The following ACOT11 variants were observed in gnomAD, a reference collection of about 807,000 sequenced individuals.
The protein encoded by ACOT11 is acyl-CoA thioesterase 11.
Under a neutral mutation model 77.5 loss-of-function variants are expected in ACOT11, and 69 were observed. The observed-to-expected ratio is 0.89, with a 90% CI of 0.73 to 1.09. ACOT11 has a LOEUF of 1.09. Ranked by LOEUF, ACOT11 falls within the 50% of genes least tolerant of loss-of-function variation. The probability of loss-of-function intolerance (pLI) is 0.00; values close to 1 mark genes in which losing one functional copy is unlikely to be tolerated. For missense variants in ACOT11, 766 were observed against 813.7 expected (o/e 0.94, Z 0.71); for synonymous variants, 279 against 313.0 (o/e 0.89, Z 1.15).
intron 15 of ACOT11, among the ~76,000 whole-genome samples, chr1:54,625,323 C>T (rs1644265432): frequency 6.6e-6 from 1 of 152,146 alleles, no homozygotes; most frequent in African/African-American, 2.4e-5. Flanking sequence ...TGGAATGGAG[C>T]AGGGTCAGTG....
At chr1:54,572,005 G>A (rs1397344277) in intron 1 of ACOT11, among the ~76,000 whole-genome samples, 1 of 152,090 alleles carries the variant, frequency 6.6e-6, no homozygotes, top group Non-Finnish European at 1.5e-5. Context: ...GGGGCAGGAA[G>A]TCCTGGCTGC....
chr1:54,568,219 C>T (rs1024947995), intron 1 of ACOT11, among the ~76,000 whole-genome samples: 5 of 152,168 alleles, frequency 3.3e-5, no homozygotes, highest in East Asian at 1.9e-4. Flanking sequence ...CCTAAAGAAG[C>T]TCCTCCCTGT....
In ACOT11 at chr1:54,609,420, T is replaced by A. The variant is rs1237526759; in HGVS notation, c.*308T>A. ...GCTGGGTTGTGCTCCACTGTGACGG[T>A]GGCCCGGGGGGAGGATGCCAGCAGC... On this transcript the variant is annotated 3_prime_UTR_variant, in exon 16 of 16. Transcript: ENST00000343744. 5.6e-6 allele frequency: 9 copies of A among 1,613,812 alleles called. No homozygotes were observed. The highest frequency in any genetic ancestry group is 7.6e-6 in the Non-Finnish European group (9 of 1,180,022).
intron 1 of ACOT11, among the ~76,000 whole-genome samples, chr1:54,568,643 C>T (rs1034679529): frequency 3.3e-5 from 5 of 152,066 alleles, no homozygotes; most frequent in African/African-American, 1.2e-4. Flanking sequence ...GGATTACAGG[C>T]GTGAGCCACC....
At chr1:54,559,615 T>A (rs1326145177) in intron 1 of ACOT11, among the ~76,000 whole-genome samples, 2 of 151,950 alleles carry the variant, frequency 1.3e-5, no homozygotes, top group Non-Finnish European at 2.9e-5. Flanking sequence ...TTCCATCTCA[T>A]GTGAACCTCA....
Position 54,593,971 on chromosome 1 carries a change from T to C in ACOT11, c.403T>C (p.Cys135Arg), listed in dbSNP as rs1226183125. Residue 135 changes from cysteine to arginine, a missense_variant, in exon 5 of 16, where the codon TGC (cysteine) becomes CGC (arginine). Physicochemically the swap from Cys to Arg is radical, Grantham distance 180. Transcript: ENST00000343744. Reference protein sequence around the residue: ...VGIQVASEDLCSEKQWNVCKA... With the variant: ...VGIQVASEDLRSEKQWNVCKA... The stretch of plus-strand genomic sequence containing the variant: ...CATCCAGGTGGCCTCGGAGGACCTG[T>C]GCTCTGAGAAGCAGTGGAATGTGTG... 1 of 1,614,198 alleles carries C rather than the reference T, an allele frequency of 6.2e-7. No individual in the cohort carries two copies.
In ACOT11 at chr1:54,609,049, GGCTTGTGA is replaced by G; in HGVS notation, c.1725_1732del (p.Cys576ValfsTer8). 6.2e-7 allele frequency: 1 copy of G among 1,614,136 alleles called. No individual in the cohort carries two copies. The highest frequency in any genetic ancestry group is 8.5e-7 in the Non-Finnish European group (1 of 1,180,008). ...CCTCTGAGTTCTACACCACCTTCAA[GGCTTGTGA>G]GCAGTTTCTCTTGGACAACCGGAAT... On this transcript the variant is annotated frameshift_variant, in exon 16 of 16. Transcript: ENST00000343744. LOFTEE classifies it high-confidence loss of function.
Position 54,609,920 on chromosome 1 carries a change from A to G in ACOT11, c.*808A>G, listed in dbSNP as rs199644373. 1 of 1,607,592 alleles carries G rather than the reference A, an allele frequency of 6.2e-7. No individual in the cohort carries two copies. The highest frequency in any genetic ancestry group is 1.1e-5 in the South Asian group (1 of 91,062). On this transcript the variant is annotated 3_prime_UTR_variant, in exon 16 of 16. Coordinates refer to ENST00000343744, the MANE Select transcript of ACOT11 (RefSeq NM_147161.4). ...CACAGTTCCCTCGAGGCCAGTGTTC[A>G]GCAGGATCATGCCTTCTGTGTCTGG...
In ACOT11 at chr1:54,609,896, A is replaced by G. The variant is rs763437918; in HGVS notation, c.*784A>G. 2.2e-5 allele frequency: 35 copies of G among 1,611,870 alleles called. No homozygotes were observed. Among genetic ancestry groups the G allele is most frequent in the Non-Finnish European group, 2.8e-5 (33 of 1,179,936 alleles). ...AACAATGGGCACGGGGTTTTCAGCCACAGTTCCCTCGAGGCCAGTGTTCAG... is the reference window on the plus strand; with the variant it reads ...AACAATGGGCACGGGGTTTTCAGCCGCAGTTCCCTCGAGGCCAGTGTTCAG... On this transcript the variant is annotated 3_prime_UTR_variant, in exon 16 of 16. Coordinates refer to ENST00000343744, the MANE Select transcript of ACOT11 (RefSeq NM_147161.4).
chr1:54,551,566 G>A (rs1653067797), intron 1 of ACOT11, among the ~76,000 whole-genome samples: 1 of 152,096 alleles, frequency 6.6e-6, no homozygotes, highest in South Asian at 2.1e-4. Context: ...GGGACCCACT[G>A]GTGCCCTCGT....
chr1:54,609,129 C>T lies in ACOT11; in HGVS notation c.*17C>T. On this transcript the variant is annotated 3_prime_UTR_variant, in exon 16 of 16. Coordinates refer to ENST00000343744, the MANE Select transcript of ACOT11 (RefSeq NM_147161.4). ...ACCCTCTAGATGCCCTCAGTGGCCA[C>T]ATCATGCCCACTCCCACTCCATCCT... 6.2e-7 allele frequency: 1 copy of T among 1,613,984 alleles called. No homozygotes were observed.
At chr1:54,622,153 G>A (rs1466922987) in intron 15 of ACOT11, among the ~76,000 whole-genome samples, 1 of 151,314 alleles carries the variant, frequency 6.6e-6, no homozygotes, top group Non-Finnish European at 1.5e-5. Context: ...GTGCCCACCT[G>A]TAATCCCAGC....
chr1:54,617,396 T>C (rs915310080), intron 15 of ACOT11, among the ~76,000 whole-genome samples: 3 of 151,156 alleles, frequency 2.0e-5, no homozygotes, highest in African/African-American at 7.3e-5. Context: ...TCCCTGCAAG[T>C]CTGTTCTCTA....
chr1:54,607,406 C>A lies in ACOT11; in HGVS notation c.1502+141C>A, dbSNP rs984859823. ...CTGTGGGGCCCCAGGCACCACTAGA[C>A]TTTTCTGGGCTGCTGTGGCTTTACT... On this transcript the variant is annotated intron_variant, in intron 14 of 15. Transcript: ENST00000343744. The surrounding 1 kb of genome is among the most constrained non-coding windows in gnomAD (Gnocchi z 4.5). 1 of 1,199,032 alleles carries A rather than the reference C, an allele frequency of 8.3e-7. No individual in the cohort carries two copies. The highest frequency in any genetic ancestry group is 1.5e-5 in the South Asian group (1 of 68,744). The allele number at this position is 1,199,032 out of a possible 1,614,324, so 74.3% of individuals were successfully genotyped here. A position where few individuals can be genotyped will look rare whatever the true frequency, so the allele number is the denominator to read the frequency against.
At chr1:54,597,220 C>T (rs1643898514) in intron 6 of ACOT11, 39 bp from the exon 7 acceptor site, 1 of 1,604,442 alleles carries the variant, frequency 6.2e-7, no homozygotes, top group African/African-American at 1.3e-5. Flanking sequence ...GGAATGTTCT[C>T]ACCTCCCTGC....
chr1:54,602,919 G>C (rs1163950547), intron 10 of ACOT11, among the ~76,000 whole-genome samples, 195 bp downstream of exon 10: 2 of 152,226 alleles, frequency 1.3e-5, no homozygotes, highest in Non-Finnish European at 1.5e-5. Flanking sequence ...GGGGACAGAG[G>C]GGTTAGGTGG....
chr1:54,563,121 C>T (rs564424379), intron 1 of ACOT11, among the ~76,000 whole-genome samples: 4 of 152,250 alleles, frequency 2.6e-5, no homozygotes, highest in African/African-American at 9.6e-5. Context: ...TCCCGGGCGG[C>T]GCTCGCTGGC....
rs1438216033 is a variant in ACOT11 at position 54,607,722 on chromosome 1, G to C, written c.1503-220G>C. Among the ~76,000 whole-genome samples the C allele has an allele frequency of 3.3e-5, 5 of 152,186 alleles. No individual in the cohort carries two copies. The East Asian group carries it at 7.8e-4, about 24-fold the overall frequency. On this transcript the variant is annotated intron_variant, in intron 14 of 15. Transcript: ENST00000343744. This position sits in a 1 kb window ranked among gnomAD's most constrained non-coding sequence, Gnocchi z 4.5. ...TTCCAGAAAGTCCACAGTGAAGTCA[G>C]GTTGGCTCCTGGTGAATTCAGTGCT...
At chr1:54,548,603 C>G in intron 1 of ACOT11, 1 of 567,916 alleles carries the variant, frequency 1.8e-6, no homozygotes, top group Non-Finnish European at 3.1e-6. Context: ...AAGTGTCGGC[C>G]TCTGGAATTC....
Sources: allele counts gnomAD v4.1 joint callset (sites outside exome capture counted in the v4.1 genomes callset), GRCh38; gene constraint gnomAD v4.1.1; non-coding constraint Gnocchi (gnomAD v3.1); transcripts MANE v1.5; gene names NCBI Gene and HGNC (gene_info 2026-07-23, HGNC 2026-07-21).